The following RPA3 variants were observed in gnomAD, a reference collection of about 807,000 sequenced individuals.
RPA3 encodes replication protein A3.
In RPA3, 24 loss-of-function variants were observed where a neutral mutation model predicts 13.7. The ratio of observed to expected loss-of-function variants is 1.75; its 90% confidence interval spans 1.27 to 2.46. The LOEUF (loss-of-function observed/expected upper bound fraction) is 2.46, where lower values mean the gene tolerates loss of function less well. RPA3 is among the 30% of genes most tolerant of loss of function. RPA3 has a pLI of 0.00. For missense variants in RPA3, 183 were observed against 151.0 expected, an observed-to-expected ratio of 1.21 and a Z score of -1.11; for synonymous variants, 59 against 51.2, an observed-to-expected ratio of 1.15 and a Z score of -0.65.
At chr7:7,711,285 A>G (rs1427467660) in intron 2 of RPA3, among the ~76,000 whole-genome samples, 2 of 152,222 alleles carry the variant, frequency 1.3e-5, no homozygotes, top group East Asian at 3.8e-4. Flanking sequence ...AAAAGACAAC[A>G]TGATGCTGTT....
chr7:7,696,416 T>TA (rs925048564), intron 2 of RPA3, among the ~76,000 whole-genome samples: 12 of 152,170 alleles, frequency 7.9e-5, no homozygotes, highest in East Asian at 1.9e-4. Flanking sequence ...TAATTTTCTA[T>TA]AAAAAAATAC....
At chr7:7,660,538 T>C (rs761513657) in intron 4 of RPA3, among the ~76,000 whole-genome samples, 2 of 152,216 alleles carry the variant, frequency 1.3e-5, no homozygotes, top group Non-Finnish European at 2.9e-5. Flanking sequence ...TTGTAAAGGA[T>C]TTTATTTCTC....
chr7:7,683,528 T>G (rs1373925367), intron 4 of RPA3, among the ~76,000 whole-genome samples: 3 of 152,172 alleles, frequency 2.0e-5, no homozygotes, highest in African/African-American at 7.2e-5. Context: ...ACAGAATTTC[T>G]GGGTAATTAC....
At chr7:7,714,384 T>C (rs936923057) in intron 2 of RPA3, among the ~76,000 whole-genome samples, 7 of 152,350 alleles carry the variant, frequency 4.6e-5, no homozygotes, top group African/African-American at 1.7e-4. Context: ...TATGTACTTG[T>C]TTATTATAAT....
intron 2 of RPA3, among the ~76,000 whole-genome samples, chr7:7,700,597 A>G (rs1046810562): frequency 2.0e-5 from 3 of 152,012 alleles, no homozygotes; most frequent in East Asian, 3.9e-4. Context: ...ACAAACAAAA[A>G]CACCAAAGGG....
At chr7:7,642,950 A>G (rs1048185120) in intron 4 of RPA3, among the ~76,000 whole-genome samples, 6 of 152,164 alleles carry the variant, frequency 3.9e-5, no homozygotes, top group Admixed American at 6.5e-5. Context: ...AAACGTATGT[A>G]TCTTCTGACT....
chr7:7,662,038 C>A (rs995588091), intron 4 of RPA3, among the ~76,000 whole-genome samples: 4 of 152,188 alleles, frequency 2.6e-5, no homozygotes, highest in Admixed American at 6.5e-5. Context: ...GGCAGTCTGG[C>A]TACAGCGGCT....
In RPA3 at chr7:7,637,050, T is replaced by C. The variant is rs759036839; in HGVS notation, c.316A>G (p.Ile106Val). Residue 106 changes from isoleucine (I) to valine (V), a missense_variant, in exon 8 of 8, where the codon ATC becomes GTC. Ile to Val is a conservative substitution (Grantham distance 29). Coordinates refer to ENST00000223129, the MANE Select transcript of RPA3 (RefSeq NM_002947.5). Reference sequence around the variant, plus strand: ...GGATAAAACTGAGGGAAGTCATGGATAATTTTCACAGCTTCATTGTAAAGT... The same window carrying C: ...GGATAAAACTGAGGGAAGTCATGGACAATTTTCACAGCTTCATTGTAAAGT... ...LGLYNEAVKI[I>V]HDFPQFYPLG... 6 of 1,612,768 alleles carry C rather than the reference T, an allele frequency of 3.7e-6. No homozygotes were observed. In the South Asian group the frequency reaches 6.6e-5, roughly 18 times the overall value.
At chr7:7,637,737 A>G (rs1784888037) in intron 7 of RPA3, 127 bp downstream of exon 7, 1 of 430,692 alleles carries the variant, frequency 2.3e-6, no homozygotes, top group African/African-American at 2.0e-5. Context: ...ACAGTTATAT[A>G]AAACTGTATG....
chr7:7,718,179 G>A (rs902795777), intron 1 of RPA3, among the ~76,000 whole-genome samples: 2 of 152,188 alleles, frequency 1.3e-5, no homozygotes, highest in Non-Finnish European at 2.9e-5. Flanking sequence ...CAGAACTTGA[G>A]TGATTTTTCC....
chr7:7,678,042 A>G (rs62432576), intron 4 of RPA3, among the ~76,000 whole-genome samples: 8,750 of 152,266 alleles, frequency 0.057, 327 homozygotes, highest in Middle Eastern at 0.13. Flanking sequence ...TAGTACTGCA[A>G]TAAACATGGG....
chr7:7,683,989 C>T (rs1049035174), intron 4 of RPA3, among the ~76,000 whole-genome samples: 5 of 152,122 alleles, frequency 3.3e-5, no homozygotes, highest in African/African-American at 9.7e-5. Flanking sequence ...GTTCCAAGAC[C>T]CCCGCTCATA....
intron 4 of RPA3, among the ~76,000 whole-genome samples, chr7:7,665,844 G>T (rs1201782104): frequency 1.4e-5 from 2 of 146,852 alleles, no homozygotes; most frequent in African/African-American, 2.5e-5. Context: ...TTTTGAGATC[G>T]TTGCATGTTG....
At chr7:7,642,544 C>T (rs3823841) in intron 4 of RPA3, among the ~76,000 whole-genome samples, 46,596 of 151,870 alleles carry the variant, frequency 0.31, 9,088 homozygotes, top group East Asian at 0.79. Context: ...TTAGAAAGAC[C>T]ACTTTTAAGC....
At chr7:7,677,963 G>C (rs1202105157) in intron 4 of RPA3, among the ~76,000 whole-genome samples, 1 of 151,878 alleles carries the variant, frequency 6.6e-6, no homozygotes, top group South Asian at 2.1e-4. Flanking sequence ...GTGAGCCACC[G>C]CGCCCGGCCT....
intron 4 of RPA3, among the ~76,000 whole-genome samples, chr7:7,680,205 A>T (rs905807228): frequency 2.6e-5 from 4 of 151,912 alleles, no homozygotes; most frequent in Non-Finnish European, 5.9e-5. Flanking sequence ...ATCCATTTTG[A>T]TTTGATTTTT....
At position 7,640,569 on chromosome 7, in the gene RPA3, A is replaced by T. The variant is rs1784943691; in HGVS notation, c.-151T>A. ...TTAAATGCGCGGAAACCTAAATCGC[A>T]ATCGCGCTGTCTCTGAAAGGGGTGG... On this transcript the variant is annotated 5_prime_UTR_variant, in exon 5 of 8. Coordinates refer to ENST00000223129, the MANE Select transcript of RPA3 (RefSeq NM_002947.5). The T allele has an allele frequency of 2.9e-6, 2 of 684,548 alleles. No individual in the cohort carries two copies. Among genetic ancestry groups the T allele is most frequent in the Non-Finnish European group, 5.1e-6 (2 of 394,840 alleles). 42.4% of individuals were successfully genotyped at this position (684,548 alleles called of 1,614,324 possible).
intron 4 of RPA3, among the ~76,000 whole-genome samples, chr7:7,657,629 T>C (rs193097650): frequency 6.6e-6 from 1 of 152,196 alleles, no homozygotes; most frequent in East Asian, 1.9e-4. Context: ...TGTAGATGTG[T>C]GGTATTATTT....
chr7:7,648,575 G>A (rs1462195915), intron 4 of RPA3, among the ~76,000 whole-genome samples: 3 of 152,158 alleles, frequency 2.0e-5, no homozygotes, highest in Non-Finnish European at 4.4e-5. Flanking sequence ...AAATTGGCAG[G>A]GGAATTGGCT....
Sources: gnomAD v4.1 joint callset for allele counts (sites outside exome capture counted in the v4.1 genomes callset) on GRCh38, gnomAD v4.1.1 for gene constraint, MANE v1.5 for transcripts, NCBI Gene and HGNC (gene_info 2026-07-23, HGNC 2026-07-21) for gene names.